IGSF21: variants seen among roughly 807,000 people sequenced by gnomAD.
The protein encoded by IGSF21 is immunoglobin superfamily member 21, also known as immunoglobulin superfamily member 21.
Under a neutral mutation model 46.8 loss-of-function variants are expected in IGSF21, and 28 were observed. The observed-to-expected ratio is 0.60, with a 90% CI of 0.44 to 0.82. The LOEUF (loss-of-function observed/expected upper bound fraction) is 0.82, where lower values mean the gene tolerates loss of function less well. IGSF21 is among the 40% of genes least tolerant of loss of function. The pLI, the probability that IGSF21 is intolerant of heterozygous loss-of-function variation, is 0.00. For synonymous variants in IGSF21, 284 were observed against 273.6 expected (o/e 1.04, Z -0.38); for missense variants, 624 against 665.5 (o/e 0.94, Z 0.69).
At chr1:18,213,994 G>T (rs1335304575) in intron 1 of IGSF21, among the ~76,000 whole-genome samples, 2 of 152,162 alleles carry the variant, frequency 1.3e-5, no homozygotes, top group Non-Finnish European at 2.9e-5. Flanking sequence ...CATTAGCTTT[G>T]CAGGGAATTG....
At chr1:18,336,994 A>G (rs903407554) in intron 4 of IGSF21, among the ~76,000 whole-genome samples, 4 of 152,210 alleles carry the variant, frequency 2.6e-5, no homozygotes, top group South Asian at 2.1e-4. Flanking sequence ...ACCGACCCCT[A>G]TGATTCAGTT....
intron 3 of IGSF21, among the ~76,000 whole-genome samples, chr1:18,299,606 G>T (rs2085342254): frequency 6.6e-6 from 1 of 152,134 alleles, no homozygotes; most frequent in East Asian, 1.9e-4. Flanking sequence ...ACACGTTGTT[G>T]TTGCCAGGCA....
intron 1 of IGSF21, among the ~76,000 whole-genome samples, chr1:18,162,449 T>C (rs563467976): frequency 2.6e-5 from 4 of 152,296 alleles, no homozygotes; most frequent in African/African-American, 9.6e-5. Context: ...GGAAACTCCC[T>C]AGCAGTGCCA....
chr1:18,360,683 C>T (rs1401138312), intron 4 of IGSF21, among the ~76,000 whole-genome samples: 2 of 152,164 alleles, frequency 1.3e-5, no homozygotes, highest in African/African-American at 2.4e-5. Context: ...CCAAGTGAGG[C>T]TCTAAGATTC....
At position 18,290,587 on chromosome 1, in the gene IGSF21, TG is replaced by T. The variant is rs2085255894; in HGVS notation, c.184-1277del. Among the ~76,000 whole-genome samples, 1 of 152,326 alleles carries T rather than the reference TG, an allele frequency of 6.6e-6. No individual in the cohort carries two copies. Among genetic ancestry groups the T allele is most frequent in the East Asian group, 1.9e-4 (1 of 5,182 alleles). On this transcript the variant is annotated intron_variant, in intron 2 of 9. Transcript: ENST00000251296. This position sits in a 1 kb window ranked among gnomAD's most constrained non-coding sequence, Gnocchi z 4.2. ...ACACAGCTGGTTGCTCAACCAGTGC[TG>T]GCCAGATGCACGGAGTCTCTCCTAA...
chr1:18,244,707 C>T (rs1175387577), intron 2 of IGSF21, among the ~76,000 whole-genome samples: 10 of 152,192 alleles, frequency 6.6e-5, no homozygotes, highest in African/African-American at 2.4e-4. Context: ...CTGGTAATTG[C>T]ACATTGATCT....
chr1:18,241,989 G>T (rs891510862), intron 2 of IGSF21, among the ~76,000 whole-genome samples: 5 of 152,180 alleles, frequency 3.3e-5, no homozygotes, highest in African/African-American at 7.2e-5. Context: ...CCTCCTCCGT[G>T]GGGGAGAGAT....
intron 2 of IGSF21, among the ~76,000 whole-genome samples, chr1:18,277,537 A>G (rs1359140295): frequency 6.6e-6 from 1 of 152,232 alleles, no homozygotes; most frequent in Admixed American, 6.5e-5. Context: ...AAGAGAAATG[A>G]AAACGTGACT....
intron 2 of IGSF21, among the ~76,000 whole-genome samples, chr1:18,255,972 G>A (rs911068077): frequency 2.0e-5 from 3 of 152,160 alleles, no homozygotes; most frequent in Non-Finnish European, 4.4e-5. Context: ...ATAAACCCCT[G>A]CAGCAGCTTG....
At chr1:18,184,425 A>C (rs2086884372) in intron 1 of IGSF21, among the ~76,000 whole-genome samples, 1 of 152,152 alleles carries the variant, frequency 6.6e-6, no homozygotes, top group African/African-American at 2.4e-5. Flanking sequence ...AAGCCAAGCT[A>C]CACAGATTTC....
At chr1:18,276,207 T>C (rs11800061) in intron 2 of IGSF21, among the ~76,000 whole-genome samples, 37,627 of 152,008 alleles carry the variant, frequency 0.25, 5,149 homozygotes, top group African/African-American at 0.37. Context: ...TTGACCACTG[T>C]TCTGGCTGAG....
At chr1:18,326,316 G>A (rs1336246225) in intron 3 of IGSF21, among the ~76,000 whole-genome samples, 3 of 152,218 alleles carry the variant, frequency 2.0e-5, no homozygotes, top group Non-Finnish European at 4.4e-5. Flanking sequence ...GGCAGGCGCA[G>A]AAACAGTAAA....
intron 2 of IGSF21, among the ~76,000 whole-genome samples, chr1:18,267,813 C>T (rs899311629): frequency 3.3e-5 from 5 of 152,262 alleles, no homozygotes; most frequent in Non-Finnish European, 4.4e-5. Flanking sequence ...TGCAGGCCAA[C>T]TCTGGGCCAC....
At chr1:18,145,044 G>A (rs573697945) in intron 1 of IGSF21, among the ~76,000 whole-genome samples, 3 of 152,120 alleles carry the variant, frequency 2.0e-5, no homozygotes, top group South Asian at 4.2e-4. Context: ...AGTAATACCC[G>A]AAAGCTGGAG....
chr1:18,201,857 T>A (rs2087078640), intron 1 of IGSF21, among the ~76,000 whole-genome samples: 1 of 152,246 alleles, frequency 6.6e-6, no homozygotes, highest in Non-Finnish European at 1.5e-5. Context: ...CATCCCTTCC[T>A]GTGCCTTACA....
intron 1 of IGSF21, among the ~76,000 whole-genome samples, chr1:18,194,768 G>C (rs2086991594): frequency 6.6e-5 from 10 of 152,318 alleles, no homozygotes. Flanking sequence ...AGTCAACCCA[G>C]GAGACCCACT....
chr1:18,181,684 G>A (rs984488022), intron 1 of IGSF21, among the ~76,000 whole-genome samples: 1 of 152,120 alleles, frequency 6.6e-6, no homozygotes, highest in Non-Finnish European at 1.5e-5. Flanking sequence ...GCAGAAGATG[G>A]GAACAGGGGA....
Position 18,290,214 on chromosome 1 carries a change from C to T in IGSF21, c.184-1652C>T, listed in dbSNP as rs1407482615. Among the ~76,000 whole-genome samples, 1 of 152,154 alleles carries T rather than the reference C, an allele frequency of 6.6e-6. No homozygotes were observed. The highest frequency in any genetic ancestry group is 2.4e-5 in the African/African-American group (1 of 41,414). ...CCTCATCTTCCTCCACTCTCATGGTCCCGTTTCAGAAGCTGGGCCTGTGCT... is the reference window on the plus strand; with the variant it reads ...CCTCATCTTCCTCCACTCTCATGGTTCCGTTTCAGAAGCTGGGCCTGTGCT... On this transcript the variant is annotated intron_variant, in intron 2 of 9. Transcript: ENST00000251296. This position sits in a 1 kb window ranked among gnomAD's most constrained non-coding sequence, Gnocchi z 4.2.
intron 2 of IGSF21, among the ~76,000 whole-genome samples, chr1:18,269,952 C>T (rs999379675): frequency 4.6e-5 from 7 of 152,256 alleles, no homozygotes; most frequent in East Asian, 3.9e-4. Flanking sequence ...AGCATCCTTC[C>T]GGTTCTCTCA....
Sources: gnomAD v4.1 joint callset for allele counts (sites outside exome capture counted in the v4.1 genomes callset) on GRCh38, gnomAD v4.1.1 for gene constraint, Gnocchi (gnomAD v3.1) non-coding constraint, MANE v1.5 for transcripts, NCBI Gene and HGNC (gene_info 2026-07-23, HGNC 2026-07-21) for gene names.